COPS7B: variants seen among roughly 807,000 people sequenced by gnomAD.
The protein encoded by COPS7B is COP9 signalosome complex subunit 7b.
A neutral mutation model predicts 33.4 loss-of-function variants in COPS7B; 9 were observed. The ratio of observed to expected loss-of-function variants is 0.27; its 90% CI spans 0.16 to 0.47. The LOEUF (loss-of-function observed/expected upper bound fraction) is 0.47, where lower values mean the gene tolerates loss of function less well. COPS7B is among the 20% of genes least tolerant of loss of function. The pLI is 0.99. For missense variants in COPS7B, 242 were observed against 318.2 expected, an observed-to-expected ratio of 0.76 and a Z score of 1.82; for synonymous variants, 119 against 126.3, an observed-to-expected ratio of 0.94 and a Z score of 0.39.
Position 231,798,737 on chromosome 2 carries a change from A to G in COPS7B, c.531-122A>G, listed in dbSNP as rs922303334. 4.0e-5 allele frequency: 28 copies of G among 702,402 alleles called. No homozygotes were observed. In the African/African-American group the frequency reaches 4.5e-4, roughly 11 times the overall value. The allele number at this position is 702,402 out of a possible 1,614,324, so 43.5% of individuals were successfully genotyped here. ...AGTGAACGGGCAAGAGATGTGGCAG[A>G]GGGAGTATTAAAGGAGGTCCCTGTA... On this transcript the variant is annotated intron_variant, in intron 5 of 6. Transcript: ENST00000350033.
intron 2 of COPS7B, chr2:231,789,154 T>G: frequency 6.1e-6 from 1 of 163,680 alleles, no homozygotes; most frequent in Non-Finnish European, 1.3e-5. Context: ...TGAATAGGAG[T>G]GTATTGTTCT....
rs931626788 is a variant in COPS7B at position 231,809,215 on chromosome 2, G to A, written c.*1570G>A. 4.6e-5 allele frequency: 7 copies of A among 152,396 alleles called. No individual in the cohort carries two copies. Among genetic ancestry groups the A allele is most frequent in the Non-Finnish European group, 7.4e-5 (5 of 68,024 alleles). The allele number at this position is 152,396 out of a possible 1,614,324, so 9.4% of individuals were successfully genotyped here. A position where few individuals can be genotyped will look rare whatever the true frequency, so the allele number is the denominator to read the frequency against. ...CTGTCAGCTGCTCTGTGGAAAAGGG[G>A]TTCTGTTATGAAATAAATGTTGCAC... On this transcript the variant is annotated 3_prime_UTR_variant, in exon 7 of 7. Transcript: ENST00000350033.
intron 1 of COPS7B, among the ~76,000 whole-genome samples, 162 bp downstream of exon 1, chr2:231,786,700 G>T (rs1232161862): frequency 6.6e-6 from 1 of 152,094 alleles, no homozygotes; most frequent in Non-Finnish European, 1.5e-5. Context: ...CTGCGGCCCT[G>T]CTTGGAGCAT....
intron 5 of COPS7B, among the ~76,000 whole-genome samples, chr2:231,798,370 C>T (rs1324338104): frequency 1.3e-5 from 2 of 151,012 alleles, no homozygotes; most frequent in Non-Finnish European, 2.9e-5. Flanking sequence ...GATTCTCCTG[C>T]CTCAGCCTCC....
chr2:231,790,057 ACAGT>A (rs1306395596), intron 2 of COPS7B: 2 of 152,220 alleles, frequency 1.3e-5, no homozygotes, highest in Non-Finnish European at 2.9e-5. Flanking sequence ...AGCCTGACAC[ACAGT>A]AGGCTTTCAA....
chr2:231,786,150 T>A (rs992341033), upstream of COPS7B: 1 of 152,236 alleles, frequency 6.6e-6, no homozygotes, highest in African/African-American at 2.4e-5. Context: ...GGGGAGCTCC[T>A]GAGAGAGAAA....
chr2:231,800,640 G>C (rs2049717576), intron 6 of COPS7B, among the ~76,000 whole-genome samples: 1 of 152,218 alleles, frequency 6.6e-6, no homozygotes, highest in African/African-American at 2.4e-5. Flanking sequence ...ACACCGTGTA[G>C]TTACACAACA....
chr2:231,807,748 G>A lies in COPS7B; in HGVS notation c.*103G>A. The A allele has an allele frequency of 9.0e-7, 1 of 1,112,540 alleles. No homozygotes were observed. The highest frequency in any genetic ancestry group is 1.2e-6 in the Non-Finnish European group (1 of 800,236). 68.9% of individuals were successfully genotyped at this position (1,112,540 alleles called of 1,614,324 possible). A position where few individuals can be genotyped will look rare whatever the true frequency, so the allele number is the denominator to read the frequency against. Reference sequence around the variant, plus strand: ...TCTACCTGCAGTGAGTTCCAGACCTGCCCGTCCCCTCACCAGCGCCTCCCC... The same window carrying A: ...TCTACCTGCAGTGAGTTCCAGACCTACCCGTCCCCTCACCAGCGCCTCCCC... On this transcript the variant is annotated 3_prime_UTR_variant, in exon 7 of 7. Coordinates refer to ENST00000350033, the MANE Select transcript of COPS7B (RefSeq NM_022730.4).
chr2:231,798,743 T>G (rs1574670658), intron 5 of COPS7B, 116 bp from the exon 6 acceptor site: 1 of 733,108 alleles, frequency 1.4e-6, no homozygotes, highest in Non-Finnish European at 2.3e-6. Flanking sequence ...GCAGAGGGAG[T>G]ATTAAAGGAG....
At chr2:231,798,608 A>G (rs974392740) in intron 5 of COPS7B, among the ~76,000 whole-genome samples, 1 of 152,148 alleles carries the variant, frequency 6.6e-6, no homozygotes, top group Non-Finnish European at 1.5e-5. Flanking sequence ...ATGAGATACA[A>G]AGTTGAAAAT....
upstream of COPS7B, among the ~76,000 whole-genome samples, chr2:231,783,820 T>C (rs2049179819): frequency 6.6e-6 from 1 of 152,128 alleles, no homozygotes; most frequent in African/African-American, 2.4e-5. Context: ...CACTGCAACC[T>C]CGAACTCCTG....
At chr2:231,791,261 T>C (rs17199663) in intron 2 of COPS7B, 28,536 of 157,152 alleles carry the variant, frequency 0.18, 2,950 homozygotes, top group Non-Finnish European at 0.23. Context: ...TACCTTATGA[T>C]GTGCTGGTCT....
In COPS7B at chr2:231,808,529, C is replaced by T. The variant is rs2049961424; in HGVS notation, c.*884C>T. Reference sequence around the variant, plus strand: ...GGTGGCATCGATGCCCCTCTGTCTGCTGAAGGACCTGTTGCTGCTTCTGTC... The same window carrying T: ...GGTGGCATCGATGCCCCTCTGTCTGTTGAAGGACCTGTTGCTGCTTCTGTC... On this transcript the variant is annotated 3_prime_UTR_variant, in exon 7 of 7. Transcript: ENST00000350033. 1 of 471,144 alleles carries T rather than the reference C, an allele frequency of 2.1e-6. No individual in the cohort carries two copies. The highest frequency in any genetic ancestry group is 2.0e-5 in the African/African-American group (1 of 50,022). 29.2% of individuals were successfully genotyped at this position (471,144 alleles called of 1,614,324 possible).
Position 231,807,726 on chromosome 2 carries a change from AC to A in COPS7B, c.*83del. ...CAAGGGCCCATTTCCTCCCCTCTCTACCTGCAGTGAGTTCCAGACCTGCCCG... is the reference window on the plus strand; with the variant it reads ...CAAGGGCCCATTTCCTCCCCTCTCTACTGCAGTGAGTTCCAGACCTGCCCG... On this transcript the variant is annotated 3_prime_UTR_variant, in exon 7 of 7. Coordinates refer to ENST00000350033, the MANE Select transcript of COPS7B (RefSeq NM_022730.4). The A allele has an allele frequency of 7.5e-7, 1 of 1,327,504 alleles. No individual in the cohort carries two copies. The highest frequency in any genetic ancestry group is 1.0e-6 in the Non-Finnish European group (1 of 982,956). 82.2% of individuals were successfully genotyped at this position (1,327,504 alleles called of 1,614,324 possible).
chr2:231,803,156 G>T (rs2106342116), intron 6 of COPS7B, among the ~76,000 whole-genome samples: 1 of 152,338 alleles, frequency 6.6e-6, no homozygotes, highest in South Asian at 2.1e-4. Flanking sequence ...AAGAGGGAGA[G>T]GCACTGCCAG....
intron 5 of COPS7B, among the ~76,000 whole-genome samples, chr2:231,796,646 C>T (rs1265410899): frequency 6.6e-6 from 1 of 152,224 alleles, no homozygotes; most frequent in Non-Finnish European, 1.5e-5. Context: ...AACTCACGCT[C>T]AAAGTTTGAC....
In COPS7B at chr2:231,809,187, C is replaced by T. The variant is rs1208898395; in HGVS notation, c.*1542C>T. The T allele has an allele frequency of 6.6e-6, 1 of 152,304 alleles. No homozygotes were observed. Among genetic ancestry groups the T allele is most frequent in the African/African-American group, 2.4e-5 (1 of 41,408 alleles). The allele number at this position is 152,304 out of a possible 1,614,324, so 9.4% of individuals were successfully genotyped here. ...ATTTCCAAAGTATGTTTCATGCAGCCCCCTGTCAGCTGCTCTGTGGAAAAG... is the reference window on the plus strand; with the variant it reads ...ATTTCCAAAGTATGTTTCATGCAGCTCCCTGTCAGCTGCTCTGTGGAAAAG... On this transcript the variant is annotated 3_prime_UTR_variant, in exon 7 of 7. Coordinates refer to ENST00000350033, the MANE Select transcript of COPS7B (RefSeq NM_022730.4).
rs543816090 is a variant in COPS7B, at chr2:231,808,798, GGTGTGTGTGTGTGTGTGTGTGT to G, written c.*1176_*1197del. 7 of 75,772 alleles carry G rather than the reference GGTGTGTGTGTGTGTGTGTGTGT, an allele frequency of 9.2e-5. No individual in the cohort carries two copies. Among genetic ancestry groups the G allele is most frequent in the African/African-American group, 3.0e-4 (5 of 16,716 alleles). 4.7% of individuals were successfully genotyped at this position (75,772 alleles called of 1,614,324 possible). On this transcript the variant is annotated 3_prime_UTR_variant, in exon 7 of 7. Coordinates refer to ENST00000350033, the MANE Select transcript of COPS7B (RefSeq NM_022730.4). ...TGGTTGGAGGGTGGGGGTGGGGTGGGGTGTGTGTGTGTGTGTGTGTGTGTGTGTGTGTGTGTGTGTGTGTTTG... is the reference window on the plus strand; with the variant it reads ...TGGTTGGAGGGTGGGGGTGGGGTGGGGTGTGTGTGTGTGTGTGTGTGTTTG...
chr2:231,793,989 G>T (rs946043335), intron 3 of COPS7B: 5 of 409,848 alleles, frequency 1.2e-5, no homozygotes, highest in African/African-American at 1.0e-4. Context: ...GTCACAAGGG[G>T]CACAAATAGT....
Sources: gnomAD v4.1 joint callset for allele counts (sites outside exome capture counted in the v4.1 genomes callset) on GRCh38, gnomAD v4.1.1 for gene constraint, MANE v1.5 for transcripts, NCBI Gene and HGNC (gene_info 2026-07-23, HGNC 2026-07-21) for gene names.